The following CCKAR variants were observed in gnomAD, a reference collection of about 807,000 sequenced individuals.
CCKAR encodes the protein cholecystokinin A receptor, also known as cholecystokinin receptor type A.
In CCKAR, 21 loss-of-function variants were observed where a neutral mutation model predicts 29.8. The ratio of observed to expected loss-of-function variants is 0.70; its 90% confidence interval spans 0.50 to 1.01. The LOEUF is 1.01. Ranked by LOEUF, CCKAR falls within the 50% of genes least tolerant of loss-of-function variation. The probability of loss-of-function intolerance (pLI) is 0.00; values close to 1 mark genes in which losing one functional copy is unlikely to be tolerated. For synonymous variants in CCKAR, 238 were observed against 221.3 expected (o/e 1.08, Z -0.67); for missense variants, 570 against 560.6 (o/e 1.02, Z -0.17).
chr4:26,487,481 C>T (rs138089036), intron 2 of CCKAR, among the ~76,000 whole-genome samples: 93 of 152,284 alleles, frequency 6.1e-4, no homozygotes, highest in East Asian at 2.9e-3. Flanking sequence ...TAACTATAAA[C>T]TCACTGGCAG....
intron 2 of CCKAR, among the ~76,000 whole-genome samples, chr4:26,488,509 A>T (rs1330048737): frequency 6.6e-6 from 1 of 152,230 alleles, no homozygotes; most frequent in East Asian, 1.9e-4. Context: ...GCGCTAAAAA[A>T]ATTTAGCTCT....
At position 26,483,340 on chromosome 4, in the gene CCKAR, G is replaced by C. The variant is rs990972725; in HGVS notation, c.627-57C>G. On this transcript the variant is annotated intron_variant, in intron 3 of 4. Transcript: ENST00000295589. ...CAACTTTAGACCTTCAAACTCAAAT[G>C]GGAAGGAATGAATAGGGTTTATGTT... The C allele has an allele frequency of 4.5e-6, 7 of 1,560,460 alleles. No individual in the cohort carries two copies. In the Admixed American group the frequency reaches 1.2e-4, roughly 27 times the overall value.
At chr4:26,487,671 A>G (rs992850202) in intron 2 of CCKAR, among the ~76,000 whole-genome samples, 22 of 152,192 alleles carry the variant, frequency 1.4e-4, no homozygotes, top group Non-Finnish European at 4.4e-5. Flanking sequence ...CCAATAAAAT[A>G]TTTTTTATGC....
intron 4 of CCKAR, 42 bp downstream of exon 4, chr4:26,483,114 T>C (rs1737384060): frequency 6.3e-7 from 1 of 1,597,758 alleles, no homozygotes; most frequent in Non-Finnish European, 8.5e-7. Context: ...AAACAAGCTT[T>C]TGTGCTCATT....
intron 1 of CCKAR, among the ~76,000 whole-genome samples, chr4:26,489,856 T>C (rs1737524146): frequency 6.6e-6 from 1 of 152,150 alleles, no homozygotes; most frequent in Admixed American, 6.5e-5. Context: ...CCTTTTCTGC[T>C]GTGCTTGTAA....
Position 26,489,270 on chromosome 4 carries a change from G to T in CCKAR, c.327C>A (p.Phe109Leu). ...LIPNLLKDFI[F>L]GSAVCKTTTY... ...TGGTGGTCTTGCAAACGGCGCTCCC[G>T]AAGATGAAATCCTTGAGCAGATTGG... The change falls in exon 2 of 5, where the codon TTC (phenylalanine) becomes TTA (leucine). Residue 109 changes from phenylalanine to leucine, a missense_variant. Phe to Leu is a conservative substitution (Grantham distance 22). Transcript: ENST00000295589. 6.2e-7 allele frequency: 1 copy of T among 1,614,120 alleles called. No homozygotes were observed.
chr4:26,484,216 G>C (rs1018641628), intron 3 of CCKAR, among the ~76,000 whole-genome samples: 2 of 152,206 alleles, frequency 1.3e-5, no homozygotes, highest in Non-Finnish European at 2.9e-5. Context: ...GCTCATGGTG[G>C]CTGGGCCATT....
intron 2 of CCKAR, among the ~76,000 whole-genome samples, chr4:26,487,058 C>T (rs1737465703): frequency 6.6e-6 from 1 of 152,186 alleles, no homozygotes; most frequent in Admixed American, 6.5e-5. Context: ...TATATGCATA[C>T]TTATTAAAAT....
At chr4:26,487,923 T>C (rs867177686) in intron 2 of CCKAR, among the ~76,000 whole-genome samples, 1 of 152,066 alleles carries the variant, frequency 6.6e-6, no homozygotes, top group South Asian at 2.1e-4. Flanking sequence ...TTTTGTCTTT[T>C]TTTTTTTTTT....
intron 4 of CCKAR, 83 bp from the exon 5 acceptor site, chr4:26,482,253 A>G (rs1737366901): frequency 5.1e-6 from 7 of 1,363,806 alleles, no homozygotes; most frequent in Non-Finnish European, 5.0e-6. Context: ...CCCTCCATCA[A>G]GAAGTCCAAA....
chr4:26,485,851 C>T lies in CCKAR; in HGVS notation c.412G>A (p.Glu138Lys). ...STFNLVAISL[E>K]RYGAICKPLQ... ...GGTTTGCAAATCGCACCATATCTCT[C>T]TAGAGATATGGCTACCAGATTAAAG... The change falls in exon 3 of 5, where the codon GAG (glutamate) becomes AAG (lysine). Residue 138 changes from glutamate (E) to lysine (K), a missense_variant. Glu to Lys is a moderately conservative substitution (Grantham distance 56). Coordinates refer to ENST00000295589, the MANE Select transcript of CCKAR (RefSeq NM_000730.3). 5 of 1,612,236 alleles carry T rather than the reference C, an allele frequency of 3.1e-6. No individual in the cohort carries two copies. In the South Asian group the frequency reaches 4.4e-5, roughly 14 times the overall value.
In CCKAR at chr4:26,481,620, G is replaced by T; in HGVS notation, c.*18C>A. 6.2e-7 allele frequency: 1 copy of T among 1,613,076 alleles called. No individual in the cohort carries two copies. Among genetic ancestry groups the T allele is most frequent in the Non-Finnish European group, 8.5e-7 (1 of 1,179,132 alleles). On this transcript the variant is annotated 3_prime_UTR_variant, in exon 5 of 5. Coordinates refer to ENST00000295589, the MANE Select transcript of CCKAR (RefSeq NM_000730.3). ...CTCCTCCCTGCCTTCCTTCTGCGGT[G>T]GAGGGTCAGGGGACATCTCACTGGG...
Position 26,489,332 on chromosome 4 carries a change from T to C in CCKAR, c.265A>G (p.Met89Val). 1 of 1,613,978 alleles carries C rather than the reference T, an allele frequency of 6.2e-7. No homozygotes were observed. Among genetic ancestry groups the C allele is most frequent in the Non-Finnish European group, 8.5e-7 (1 of 1,179,920 alleles). The change falls in exon 2 of 5, where the codon ATG (methionine) becomes GTG (valine). Residue 89 changes from methionine (M) to valine (V), a missense_variant. By Grantham distance (21) the Met-to-Val change is conservative. Coordinates refer to ENST00000295589, the MANE Select transcript of CCKAR (RefSeq NM_000730.3). ...FLLSLAVSDL[M>V]LCLFCMPFNL... Reference sequence around the variant, plus strand: ...AACGGCATGCAGAAGAGACAGAGCATGAGGTCGCTGACAGCCAGGGAGAGG... The same window carrying C: ...AACGGCATGCAGAAGAGACAGAGCACGAGGTCGCTGACAGCCAGGGAGAGG...
chr4:26,481,518 C>T lies in CCKAR; in HGVS notation c.*120G>A, dbSNP rs180850152. 6 of 1,080,090 alleles carry T rather than the reference C, an allele frequency of 5.6e-6. No homozygotes were observed. The African/African-American group carries it at 7.8e-5, about 14-fold the overall frequency. The allele number at this position is 1,080,090 out of a possible 1,614,324, so 66.9% of individuals were successfully genotyped here. A position where few individuals can be genotyped will look rare whatever the true frequency, so the allele number is the denominator to read the frequency against. On this transcript the variant is annotated 3_prime_UTR_variant, in exon 5 of 5. Coordinates refer to ENST00000295589, the MANE Select transcript of CCKAR (RefSeq NM_000730.3). Reference sequence around the variant, plus strand: ...AAAAGCAGACCTTGAAGAGTTCCCACTGGAGATGGAGCCTTCCTTCTCCAT... The same window carrying T: ...AAAAGCAGACCTTGAAGAGTTCCCATTGGAGATGGAGCCTTCCTTCTCCAT...
intron 2 of CCKAR, among the ~76,000 whole-genome samples, chr4:26,486,521 A>ACCCAGAGTTTGGTT (rs1258434186): frequency 2.0e-5 from 3 of 152,302 alleles, no homozygotes; most frequent in African/African-American, 7.2e-5. Context: ...TTGGGGACTA[A>ACCCAGAGTTTGGTT]AGTCTCTTGT....
chr4:26,489,455 A>G lies in CCKAR; in HGVS notation c.142T>C (p.Tyr48His), dbSNP rs369382592. The G allele has an allele frequency of 6.2e-7, 1 of 1,614,038 alleles. No individual in the cohort carries two copies. Among genetic ancestry groups the G allele is most frequent in the Non-Finnish European group, 8.5e-7 (1 of 1,179,918 alleles). ...ACGCTGAGCAGGAATATCAAGGAGTACAAGAGAATCTGCACCGCTGGCTGC... is the reference window on the plus strand; with the variant it reads ...ACGCTGAGCAGGAATATCAAGGAGTGCAAGAGAATCTGCACCGCTGGCTGC... ...EWQPAVQILL[Y>H]SLIFLLSVLG... The change falls in exon 2 of 5, where the codon TAC (tyrosine) becomes CAC (histidine). Residue 48 changes from tyrosine to histidine, a missense_variant. Coordinates refer to ENST00000295589, the MANE Select transcript of CCKAR (RefSeq NM_000730.3).
rs146604588 is a variant in CCKAR, at chr4:26,482,077, C to T, written c.848G>A (p.Arg283Gln). 9.0e-5 allele frequency: 146 copies of T among 1,614,164 alleles called. No homozygotes were observed. In the African/African-American group the frequency reaches 1.8e-3, roughly 20 times the overall value. The change falls in exon 5 of 5, where the codon CGG becomes CAG. Residue 283 changes from arginine to glutamine, a missense_variant. Transcript: ENST00000295589. The stretch of plus-strand genomic sequence containing the variant: ...GCTGCTGCTGCCGGTGGACAGCTGC[C>T]GGAGCTCCAGCTTCCTCGGGGGCCT... The part of the protein sequence containing the change: ...KTRPPRKLEL[R>Q]QLSTGSSSRA...
chr4:26,485,873 A>G lies in CCKAR; in HGVS notation c.390T>C (p.Phe130=). 1.9e-6 allele frequency: 3 copies of G among 1,613,872 alleles called. No individual in the cohort carries two copies. Among genetic ancestry groups the G allele is most frequent in the Non-Finnish European group, 2.5e-6 (3 of 1,179,880 alleles). Reference sequence around the variant, plus strand: ...TCTCTAGAGATATGGCTACCAGATTAAAGGTAGATACACTCACAGAGGTGC... The same window carrying G: ...TCTCTAGAGATATGGCTACCAGATTGAAGGTAGATACACTCACAGAGGTGC... ...FMGTSVSVST[F]NLVAISLERY... Residue 130 remains phenylalanine (F), a synonymous_variant, in exon 3 of 5, where the codon TTT becomes TTC. Transcript: ENST00000295589.
intron 2 of CCKAR, 108 bp from the exon 3 acceptor site, chr4:26,486,006 C>T (rs568812071): frequency 3.4e-4 from 308 of 915,810 alleles, no homozygotes; most frequent in Non-Finnish European, 4.4e-4. Flanking sequence ...CAAAGGAAAA[C>T]GCTTGGAAGG....
Sources: allele counts gnomAD v4.1 joint callset (sites outside exome capture counted in the v4.1 genomes callset), GRCh38; gene constraint gnomAD v4.1.1; transcripts MANE v1.5; gene names NCBI Gene and HGNC (gene_info 2026-07-23, HGNC 2026-07-21).